The following ANAPC16 variants were observed in gnomAD, a reference collection of about 807,000 sequenced individuals.
The protein encoded by ANAPC16 is anaphase-promoting complex subunit 16.
In ANAPC16, 6 loss-of-function variants were observed where a neutral mutation model predicts 13.1. The observed-to-expected ratio is 0.46, with a 90% CI of 0.25 to 0.90. The LOEUF (loss-of-function observed/expected upper bound fraction) is 0.90. Ranked by LOEUF, ANAPC16 falls within the 40% of genes least tolerant of loss-of-function variation. The probability of loss-of-function intolerance (pLI) is 0.18; values close to 1 mark genes in which losing one functional copy is unlikely to be tolerated. For missense variants in ANAPC16, 113 were observed against 131.1 expected (o/e 0.86, Z 0.67); for synonymous variants, 55 against 51.3 (o/e 1.07, Z -0.31).
At chr10:72,222,753 G>A (rs1164499495) in intron 1 of ANAPC16, among the ~76,000 whole-genome samples, 1 of 152,168 alleles carries the variant, frequency 6.6e-6, no homozygotes, top group East Asian at 1.9e-4. Flanking sequence ...CTCTAGCGTG[G>A]GCGACAAGAG....
At chr10:72,221,009 C>T (rs570158054) in intron 1 of ANAPC16, among the ~76,000 whole-genome samples, 3 of 152,136 alleles carry the variant, frequency 2.0e-5, no homozygotes, top group African/African-American at 7.2e-5. Flanking sequence ...CTCCACCTCC[C>T]GAGTTCAAGC....
chr10:72,231,073 T>TA (rs1403254151), intron 3 of ANAPC16, among the ~76,000 whole-genome samples: 1 of 152,186 alleles, frequency 6.6e-6, no homozygotes, highest in Admixed American at 6.5e-5. Context: ...CTTTTTCTGT[T>TA]ACATTAGGCC....
At position 72,218,181 on chromosome 10, in the gene ANAPC16, T is replaced by A. The variant is rs1165561364; in HGVS notation, c.-28+2043T>A. On this transcript the variant is annotated intron_variant, in intron 1 of 3. Coordinates refer to ENST00000299381, the MANE Select transcript of ANAPC16 (RefSeq NM_173473.4). ...AAAAAAAAAAATATATATATATATA[T>A]ATATATATATATATATATATATATA... Among the ~76,000 whole-genome samples, 176 of 23,668 alleles carry A rather than the reference T, an allele frequency of 7.4e-3. 2 individuals are homozygous for A. The highest frequency in any genetic ancestry group is 0.036 in the African/African-American group (159 of 4,474). The allele number at this position is 23,668 out of a possible 152,430, so 15.5% of individuals were successfully genotyped here.
At chr10:72,224,078 A>T (rs1860038809) in intron 2 of ANAPC16, 22 bp downstream of exon 2, 1 of 1,559,208 alleles carries the variant, frequency 6.4e-7, no homozygotes, top group Non-Finnish European at 8.7e-7. Flanking sequence ...CTGCTTTCTG[A>T]ATAATTGGAT....
intron 2 of ANAPC16, among the ~76,000 whole-genome samples, chr10:72,228,603 A>G (rs1433733478): frequency 6.6e-6 from 1 of 152,170 alleles, no homozygotes; most frequent in East Asian, 1.9e-4. Context: ...CAGTTTCTAA[A>G]TGGAAGAGAT....
At chr10:72,229,123 T>C (rs1395411141) in intron 2 of ANAPC16, among the ~76,000 whole-genome samples, 3 of 144,510 alleles carry the variant, frequency 2.1e-5, no homozygotes, top group Non-Finnish European at 3.1e-5. Flanking sequence ...TTCAAACCCC[T>C]TTTTTTTTTG....
rs997417409 is a variant in ANAPC16 at position 72,234,196 on chromosome 10, C to G, written c.*1080C>G. 1 of 152,100 alleles carries G rather than the reference C, an allele frequency of 6.6e-6. No individual in the cohort carries two copies. The highest frequency in any genetic ancestry group is 6.6e-5 in the Admixed American group (1 of 15,250). 9.4% of individuals were successfully genotyped at this position (152,100 alleles called of 1,614,324 possible). The stretch of plus-strand genomic sequence containing the variant: ...TAATTTTTTGTATATTTAGTAGAGA[C>G]GGGGTTTCACCATGTTGACCAGGCT... On this transcript the variant is annotated 3_prime_UTR_variant, in exon 4 of 4. Transcript: ENST00000299381.
At chr10:72,229,321 TG>T (rs1860225113) in intron 2 of ANAPC16, among the ~76,000 whole-genome samples, 1 of 141,070 alleles carries the variant, frequency 7.1e-6, no homozygotes, top group African/African-American at 3.2e-5. Flanking sequence ...TATCTATAGT[TG>T]TTTTTTTTTT....
At chr10:72,218,438 A>G (rs912705664) in intron 1 of ANAPC16, among the ~76,000 whole-genome samples, 7 of 151,982 alleles carry the variant, frequency 4.6e-5, no homozygotes, top group African/African-American at 1.7e-4. Flanking sequence ...TACGTTGCAC[A>G]TGACAAATAA....
rs771762149 is a variant in ANAPC16, at chr10:72,233,156, A to G, written c.*40A>G. 9 of 1,541,868 alleles carry G rather than the reference A, an allele frequency of 5.8e-6. No homozygotes were observed. Among genetic ancestry groups the G allele is most frequent in the Middle Eastern group, 1.9e-4 (1 of 5,256 alleles). On this transcript the variant is annotated 3_prime_UTR_variant, in exon 4 of 4. Coordinates refer to ENST00000299381, the MANE Select transcript of ANAPC16 (RefSeq NM_173473.4). ...TCACCTCTGGTGCGCAGCAAGTGCA[A>G]AGCCAGTGGGGGACTTTCTCACAGC... is the stretch of plus-strand genomic sequence containing the variant.
chr10:72,232,834 G>A (rs1860363866), intron 3 of ANAPC16, among the ~76,000 whole-genome samples, 167 bp from the exon 4 acceptor site: 1 of 151,980 alleles, frequency 6.6e-6, no homozygotes, highest in South Asian at 2.1e-4. Context: ...TCGATCTCTT[G>A]ACCTCGTGAT....
chr10:72,232,760 C>T (rs1422397167), intron 3 of ANAPC16, among the ~76,000 whole-genome samples: 3 of 151,802 alleles, frequency 2.0e-5, no homozygotes, highest in East Asian at 2.0e-4. Context: ...CATGCCACCA[C>T]GTCCAGCTAA....
intron 2 of ANAPC16, among the ~76,000 whole-genome samples, chr10:72,230,057 C>G (rs1481948267): frequency 2.0e-5 from 3 of 152,114 alleles, no homozygotes; most frequent in African/African-American, 7.2e-5. Flanking sequence ...TACAGGAGAA[C>G]ATTAAGGAAC....
intron 1 of ANAPC16, among the ~76,000 whole-genome samples, chr10:72,221,547 C>CTTCT (rs1304392631): frequency 1.1e-5 from 1 of 91,350 alleles, no homozygotes; most frequent in East Asian, 3.3e-4. Flanking sequence ...TTTTTCTTTT[C>CTTCT]TTTTTTTTTT....
chr10:72,224,121 G>A (rs532224021), intron 2 of ANAPC16, 65 bp downstream of exon 2: 24 of 1,400,148 alleles, frequency 1.7e-5, no homozygotes, highest in Middle Eastern at 2.0e-4. Flanking sequence ...TTGTAAAGAA[G>A]CTATTAAGTG....
At position 72,233,176 on chromosome 10, in the gene ANAPC16, C is replaced by T. The variant is rs1860380821; in HGVS notation, c.*60C>T. On this transcript the variant is annotated 3_prime_UTR_variant, in exon 4 of 4. Coordinates refer to ENST00000299381, the MANE Select transcript of ANAPC16 (RefSeq NM_173473.4). ...GTGCAAAGCCAGTGGGGGACTTTCT[C>T]ACAGCTTACATAGCCATCCAGAGAT... 14 of 1,319,796 alleles carry T rather than the reference C, an allele frequency of 1.1e-5. No individual in the cohort carries two copies. Among genetic ancestry groups the T allele is most frequent in the Non-Finnish European group, 1.3e-5 (12 of 919,838 alleles). The allele number at this position is 1,319,796 out of a possible 1,614,324, so 81.8% of individuals were successfully genotyped here. A position where few individuals can be genotyped will look rare whatever the true frequency, so the allele number is the denominator to read the frequency against.
chr10:72,222,756 G>A (rs895592161), intron 1 of ANAPC16, among the ~76,000 whole-genome samples: 13 of 152,178 alleles, frequency 8.5e-5, no homozygotes, highest in Admixed American at 6.5e-5. Context: ...TAGCGTGGGC[G>A]ACAAGAGCGA....
At chr10:72,228,181 C>T (rs986844566) in intron 2 of ANAPC16, among the ~76,000 whole-genome samples, 2 of 152,138 alleles carry the variant, frequency 1.3e-5, no homozygotes, top group African/African-American at 4.8e-5. Flanking sequence ...GGATAGTAAA[C>T]CCAAATCACC....
At chr10:72,216,778 C>T (rs1327234042) in intron 1 of ANAPC16, 1 of 455,738 alleles carries the variant, frequency 2.2e-6, no homozygotes, top group African/African-American at 2.0e-5. Context: ...CACAAAGCAT[C>T]GTTACTCTCC....
Sources: gnomAD v4.1 joint callset for allele counts (sites outside exome capture counted in the v4.1 genomes callset) on GRCh38, gnomAD v4.1.1 for gene constraint, MANE v1.5 for transcripts, NCBI Gene and HGNC (gene_info 2026-07-23, HGNC 2026-07-21) for gene names.